The following CEP290 variants were observed in gnomAD, a reference collection of about 807,000 sequenced individuals.
The protein encoded by CEP290 is centrosomal protein 290, also known as centrosomal protein of 290 kDa.
CEP290 carries 317 observed loss-of-function variants against 344.9 expected under a neutral mutation model. The observed-to-expected ratio is 0.92, with a 90% CI of 0.84 to 1.01. The LOEUF is 1.01. Among genes scored for constraint, CEP290 ranks in the 50% least tolerant of loss-of-function variants. The pLI, the probability that CEP290 is intolerant of heterozygous loss-of-function variation, is 0.00. For synonymous variants in CEP290, 932 were observed against 895.8 expected, an observed-to-expected ratio of 1.04 and a Z score of -0.72; for missense variants, 2,754 against 2,761.4, an observed-to-expected ratio of 1.00 and a Z score of 0.06.
chr12:88,100,044 T>C (rs961599535), intron 26 of CEP290, among the ~76,000 whole-genome samples: 26 of 151,628 alleles, frequency 1.7e-4, no homozygotes, highest in African/African-American at 6.3e-4. Context: ...CTTTGGGAAG[T>C]TGAGGCTGGC....
In CEP290 at chr12:88,058,910, T is replaced by C. The variant is rs750070359; in HGVS notation, c.6756A>G (p.Glu2252=). 5 of 1,613,872 alleles carry C rather than the reference T, an allele frequency of 3.1e-6. No homozygotes were observed. The South Asian group carries it at 5.5e-5, about 18-fold the overall frequency. Residue 2252 remains glutamate (E), a synonymous_variant, in exon 49 of 54, where the codon GAA becomes GAG. Coordinates refer to ENST00000552810, the MANE Select transcript of CEP290 (RefSeq NM_025114.4). ...CACCTTCAAGCTGTGGACCTCTGCTTTCTGCAAACTGCAATCTCTTACCAG... is the reference window on the plus strand; with the variant it reads ...CACCTTCAAGCTGTGGACCTCTGCTCTCTGCAAACTGCAATCTCTTACCAG... ...EETGKRLQFA[E]SRGPQLEGAD...
chr12:88,128,871 T>G (rs534123270), intron 11 of CEP290, 75 bp downstream of exon 11: 131 of 856,450 alleles, frequency 1.5e-4, no homozygotes, highest in Non-Finnish European at 2.1e-4. Flanking sequence ...ATAAGACATT[T>G]AAAGAAAAAT....
rs1314002296 is a variant in CEP290, at chr12:88,118,501, T to G, written c.1693A>C (p.Lys565Gln). 1.3e-6 allele frequency: 2 copies of G among 1,561,202 alleles called. No homozygotes were observed. Among genetic ancestry groups the G allele is most frequent in the East Asian group, 4.7e-5 (2 of 42,472 alleles). ...AGTATACCTGAAGTTGCACTTCTTT[T>G]TCCTCTTTCTTGAGCCATTTGACGA... Reference protein sequence around the residue: ...KIRQMAQERGKRSATSGLTTE... With the variant: ...KIRQMAQERGQRSATSGLTTE... Residue 565 changes from lysine (K) to glutamine (Q), a missense_variant, in exon 17 of 54, where the codon AAA becomes CAA. Transcript: ENST00000552810.
chr12:88,058,978 A>C lies in CEP290; in HGVS notation c.6688T>G (p.Leu2230Val). Residue 2230 changes from leucine (L) to valine (V), a missense_variant, in exon 49 of 54, where the codon TTA (leucine) becomes GTA (valine). By Grantham distance (32) the Leu-to-Val change is conservative. Coordinates refer to ENST00000552810, the MANE Select transcript of CEP290 (RefSeq NM_025114.4). ...AEKLRIAKNN[L>V]EILNEKMTVQ... Reference sequence around the variant, plus strand: ...GTCATCTTCTCATTTAATATCTCTAAATTATTCTTTGCTATCCGTAATTTC... The same window carrying C: ...GTCATCTTCTCATTTAATATCTCTACATTATTCTTTGCTATCCGTAATTTC... The C allele has an allele frequency of 6.2e-7, 1 of 1,612,810 alleles. No homozygotes were observed. Among genetic ancestry groups the C allele is most frequent in the Non-Finnish European group, 8.5e-7 (1 of 1,179,552 alleles).
At chr12:88,116,801 C>T (rs1387667626) in intron 18 of CEP290, among the ~76,000 whole-genome samples, 8 of 151,668 alleles carry the variant, frequency 5.3e-5, no homozygotes, top group Non-Finnish European at 1.0e-4. Context: ...GGTGAAACCC[C>T]GTCTCTACTA....
At chr12:88,087,337 G>C (rs2036657254) in intron 32 of CEP290, among the ~76,000 whole-genome samples, 1 of 152,004 alleles carries the variant, frequency 6.6e-6, no homozygotes, top group African/African-American at 2.4e-5. Context: ...TGAATTTTTA[G>C]AATAGTTTAG....
intron 27 of CEP290, among the ~76,000 whole-genome samples, chr12:88,094,543 T>C (rs1245484344): frequency 1.3e-5 from 2 of 152,122 alleles, no homozygotes; most frequent in South Asian, 2.1e-4. Flanking sequence ...TAGTTATGCC[T>C]TAACCTTATA....
intron 38 of CEP290, 76 bp from the exon 39 acceptor site, chr12:88,079,305 T>A: frequency 8.5e-7 from 1 of 1,173,820 alleles, no homozygotes; most frequent in Non-Finnish European, 1.2e-6. Flanking sequence ...ATATAAAAAA[T>A]AAACAAGCTT....
intron 25 of CEP290, among the ~76,000 whole-genome samples, chr12:88,105,930 A>C (rs75273460): frequency 0.018 from 2,764 of 152,186 alleles, 30 homozygotes; most frequent in East Asian, 0.024. Context: ...AACAAACAAA[A>C]AAAAAAACAT....
At chr12:88,119,135 T>C (rs1314508272) in intron 15 of CEP290, among the ~76,000 whole-genome samples, 2 of 152,150 alleles carry the variant, frequency 1.3e-5, no homozygotes, top group African/African-American at 4.8e-5. Context: ...AAGTCTAATT[T>C]GGGGTCCTAG....
At chr12:88,102,203 G>C (rs555560078) in intron 26 of CEP290, among the ~76,000 whole-genome samples, 21 of 152,132 alleles carry the variant, frequency 1.4e-4, no homozygotes, top group African/African-American at 4.6e-4. Flanking sequence ...CAAAGGGTCT[G>C]GTCCATATTC....
intron 27 of CEP290, 121 bp from the exon 28 acceptor site, chr12:88,094,096 T>A: frequency 1.4e-6 from 1 of 730,616 alleles, no homozygotes; most frequent in Non-Finnish European, 2.2e-6. Flanking sequence ...GCTTTCTGAA[T>A]TCCATCAGAC....
intron 22 of CEP290, 60 bp from the exon 23 acceptor site, chr12:88,109,241 TTGAAAG>T: frequency 1.6e-6 from 1 of 618,340 alleles, no homozygotes; most frequent in Non-Finnish European, 2.8e-6. Flanking sequence ...AATGCTGAAT[TTGAAAG>T]TATAAATTCA....
intron 43 of CEP290, among the ~76,000 whole-genome samples, chr12:88,069,711 T>C (rs1333913950): frequency 2.6e-5 from 4 of 152,236 alleles, no homozygotes; most frequent in African/African-American, 7.2e-5. Flanking sequence ...CAACTTCGTA[T>C]GTTCACATCA....
intron 23 of CEP290, among the ~76,000 whole-genome samples, chr12:88,107,494 C>A (rs2038369786): frequency 6.7e-6 from 1 of 150,264 alleles, no homozygotes; most frequent in South Asian, 2.1e-4. Context: ...TAAATGCTTA[C>A]AAAATAATTT....
chr12:88,082,889 T>G, intron 37 of CEP290, 142 bp downstream of exon 37: 1 of 540,090 alleles, frequency 1.9e-6, no homozygotes. Context: ...TGATAACATA[T>G]GTAACCAGCA....
rs754484442 is a variant in CEP290 at position 88,070,157 on chromosome 12, G to T, written c.6011+1137C>A. 2.6e-5 allele frequency among the ~76,000 whole-genome samples: 4 copies of T among 152,166 alleles called. No homozygotes were observed. The East Asian group carries it at 7.7e-4, about 29-fold the overall frequency. The stretch of plus-strand genomic sequence containing the variant: ...TGACATGGGGTGATGCAGGGCAAGG[G>T]CATCTGGTTCCAGGTACAATGGAGT... On this transcript the variant is annotated intron_variant, in intron 43 of 53. Coordinates refer to ENST00000552810, the MANE Select transcript of CEP290 (RefSeq NM_025114.4).
intron 6 of CEP290, 68 bp from the exon 7 acceptor site, chr12:88,131,286 G>C: frequency 1.1e-6 from 1 of 925,840 alleles, no homozygotes; most frequent in South Asian, 1.9e-5. Context: ...TTTTTTTTTT[G>C]AGACAAAGTC....
chr12:88,096,848 G>C, intron 27 of CEP290, 40 bp downstream of exon 27: 1 of 940,932 alleles, frequency 1.1e-6, no homozygotes, highest in Non-Finnish European at 1.6e-6. Flanking sequence ...TTCATTATTA[G>C]ATGTTAATCA....
Sources: allele counts gnomAD v4.1 joint callset (sites outside exome capture counted in the v4.1 genomes callset), GRCh38; gene constraint gnomAD v4.1.1; transcripts MANE v1.5; gene names NCBI Gene and HGNC (gene_info 2026-07-23, HGNC 2026-07-21).